The following PCDHA5 variants were observed in gnomAD, a reference collection of about 807,000 sequenced individuals.
PCDHA5 encodes protocadherin alpha-5.
PCDHA5 carries 43 observed loss-of-function variants against 61.6 expected under a neutral mutation model. The ratio of observed to expected loss-of-function variants is 0.70; its 90% CI spans 0.55 to 0.90. The LOEUF is 0.90. Ranked by LOEUF, PCDHA5 falls within the 40% of genes least tolerant of loss-of-function variation. The probability of loss-of-function intolerance (pLI) is 0.00; values close to 1 mark genes in which losing one functional copy is unlikely to be tolerated. For synonymous variants in PCDHA5, 627 were observed against 543.9 expected (o/e 1.15, Z -2.13); for missense variants, 1,298 against 1,222.7 (o/e 1.06, Z -0.92).
At chr5:140,858,554 A>T in intron 1 of PCDHA5, 1 of 1,391,946 alleles carries the variant, frequency 7.2e-7, no homozygotes, top group Non-Finnish European at 9.9e-7. Flanking sequence ...TTTATGCTTG[A>T]ATATTTCTAG....
At chr5:140,981,378 A>G (rs1386165836) in intron 2 of PCDHA5, among the ~76,000 whole-genome samples, 3 of 152,186 alleles carry the variant, frequency 2.0e-5, no homozygotes, top group Non-Finnish European at 4.4e-5. Flanking sequence ...GTTCAAGACC[A>G]GCCTGGTCAA....
intron 3 of PCDHA5, among the ~76,000 whole-genome samples, chr5:141,000,481 G>A (rs1475922134): frequency 1.5e-5 from 2 of 133,428 alleles, no homozygotes; most frequent in African/African-American, 2.8e-5. Context: ...AAGCTGGAGT[G>A]CAATGGTAAG....
At chr5:140,863,105 A>C (rs1554157760) in intron 1 of PCDHA5, 1 of 581,650 alleles carries the variant, frequency 1.7e-6, no homozygotes, top group Non-Finnish European at 3.4e-6. Flanking sequence ...AGTACCCTGG[A>C]CGAGGCGAAA....
At chr5:140,837,699 G>A (rs1405347707) in intron 1 of PCDHA5, among the ~76,000 whole-genome samples, 3 of 146,052 alleles carry the variant, frequency 2.1e-5, no homozygotes, top group Non-Finnish European at 4.5e-5. Flanking sequence ...TTCAAGACAC[G>A]CTCTCACTCC....
chr5:140,934,534 GTTCTAA>G (rs1488792046), intron 1 of PCDHA5, among the ~76,000 whole-genome samples: 7 of 152,064 alleles, frequency 4.6e-5, no homozygotes, highest in Non-Finnish European at 7.4e-5. Flanking sequence ...GAGAGCTACC[GTTCTAA>G]TTCTATCATT....
chr5:140,857,481 C>A (rs1554150087), intron 1 of PCDHA5: 1 of 1,598,530 alleles, frequency 6.3e-7, no homozygotes, highest in East Asian at 2.2e-5. Flanking sequence ...ACGGTGTCTG[C>A]GTGGGACGCG....
At chr5:140,996,947 T>C (rs1224598113) in intron 3 of PCDHA5, among the ~76,000 whole-genome samples, 2 of 152,176 alleles carry the variant, frequency 1.3e-5, no homozygotes, top group Non-Finnish European at 2.9e-5. Context: ...CATAGAAATA[T>C]TTATTTCCCT....
intron 1 of PCDHA5, chr5:140,841,245 G>A (rs1483817095): frequency 1.3e-6 from 2 of 1,501,446 alleles, no homozygotes; most frequent in Non-Finnish European, 1.8e-6. Context: ...AGCGGAATTG[G>A]ATTAAAAGAC....
At chr5:140,869,857 A>T in intron 1 of PCDHA5, 1 of 1,610,928 alleles carries the variant, frequency 6.2e-7, no homozygotes, top group Non-Finnish European at 8.5e-7. Flanking sequence ...GGTGAGCCTT[A>T]TGGAAAATGC....
rs2150131362 is a variant in PCDHA5 at position 140,824,004 on chromosome 5, G to T, written c.2229G>T (p.Ala743=). Residue 743 remains alanine, a synonymous_variant, in exon 1 of 4, where the codon GCG becomes GCT. Transcript: ENST00000529859. ...AGCCCACTCTGTTGTGCTCCAGCGCGGTGGGGAGCTGGTCGTACTCGCAGC... is the reference window on the plus strand; with the variant it reads ...AGCCCACTCTGTTGTGCTCCAGCGCTGTGGGGAGCTGGTCGTACTCGCAGC... ...RGKPTLLCSS[A]VGSWSYSQQR... The T allele has an allele frequency of 3.1e-6, 5 of 1,614,112 alleles. No individual in the cohort carries two copies. The East Asian group carries it at 1.1e-4, about 36-fold the overall frequency.
intron 1 of PCDHA5, chr5:140,882,806 T>A: frequency 6.2e-7 from 1 of 1,614,218 alleles, no homozygotes; most frequent in Non-Finnish European, 8.5e-7. Flanking sequence ...TTATTTCACT[T>A]TGGACGCACA....
Position 140,848,453 on chromosome 5 carries a change from T to C in PCDHA5, c.2352+24326T>C. On this transcript the variant is annotated intron_variant, in intron 1 of 3. Transcript: ENST00000529859. ...CGAAATCAGATGATTTCTTCTAATT[T>C]GGAGGCAATTTTCACTAATTAGAAG... is the stretch of plus-strand genomic sequence containing the variant. 2.0e-6 allele frequency: 3 copies of C among 1,519,952 alleles called. 1 individual carries two copies. Among genetic ancestry groups the C allele is most frequent in the Non-Finnish European group, 2.7e-6 (3 of 1,116,942 alleles). The allele number at this position is 1,519,952 out of a possible 1,614,324, so 94.2% of individuals were successfully genotyped here. A position where few individuals can be genotyped will look rare whatever the true frequency, so the allele number is the denominator to read the frequency against.
At chr5:140,836,587 TA>T (rs2150264756) in intron 1 of PCDHA5, 1 of 1,613,616 alleles carries the variant, frequency 6.2e-7, no homozygotes, top group African/African-American at 1.3e-5. Context: ...TGTAGTTTGG[TA>T]AAGCCCACTC....
intron 1 of PCDHA5, chr5:140,884,339 G>A (rs1178682525): frequency 6.2e-7 from 1 of 1,613,788 alleles, no homozygotes; most frequent in Non-Finnish European, 8.5e-7. Context: ...GGGTCCAGAA[G>A]CGGCGCTGGT....
At chr5:140,981,128 G>A (rs1340714771) in intron 2 of PCDHA5, among the ~76,000 whole-genome samples, 1 of 152,214 alleles carries the variant, frequency 6.6e-6, no homozygotes, top group Non-Finnish European at 1.5e-5. Flanking sequence ...GTTGTTTGAA[G>A]TCAAAGAGTG....
At chr5:140,960,265 T>A (rs1380537220) in intron 1 of PCDHA5, among the ~76,000 whole-genome samples, 2 of 152,174 alleles carry the variant, frequency 1.3e-5, no homozygotes, top group African/African-American at 4.8e-5. Context: ...TTCTGATAAA[T>A]TCCGTCACCT....
chr5:141,004,414 C>A (rs2153980954), intron 3 of PCDHA5, among the ~76,000 whole-genome samples: 1 of 152,330 alleles, frequency 6.6e-6, no homozygotes, highest in Non-Finnish European at 1.5e-5. Context: ...CTGACTAGAT[C>A]TCTGCCTCCT....
At chr5:140,840,564 T>C (rs1432242411) in intron 1 of PCDHA5, among the ~76,000 whole-genome samples, 1 of 152,054 alleles carries the variant, frequency 6.6e-6, no homozygotes, top group Non-Finnish European at 1.5e-5. Flanking sequence ...CTGCTAGAGT[T>C]TGGCATGTCA....
chr5:140,997,668 T>TTGTGTGTGTGTG (rs35184029), intron 3 of PCDHA5, among the ~76,000 whole-genome samples: 18 of 148,344 alleles, frequency 1.2e-4, no homozygotes, highest in Middle Eastern at 3.4e-3. Flanking sequence ...ATTATACAGC[T>TTGTGTGTGTGTG]TGTGTGTGTG....
Sources: gnomAD v4.1 joint callset for allele counts (sites outside exome capture counted in the v4.1 genomes callset) on GRCh38, gnomAD v4.1.1 for gene constraint, MANE v1.5 for transcripts, NCBI Gene and HGNC (gene_info 2026-07-23, HGNC 2026-07-21) for gene names.